MAP7: variants seen among roughly 807,000 people sequenced by gnomAD.
MAP7 encodes the protein microtubule associated protein 7, also known as ensconsin.
A neutral mutation model predicts 94.8 loss-of-function variants in MAP7; 52 were observed. The observed-to-expected ratio is 0.55, with a 90% CI of 0.44 to 0.69. MAP7 has a LOEUF of 0.69. Among genes scored for constraint, MAP7 ranks in the 30% least tolerant of loss-of-function variants. MAP7 has a pLI of 0.00. For synonymous variants in MAP7, 350 were observed against 357.0 expected (o/e 0.98, Z 0.22); for missense variants, 940 against 964.6 (o/e 0.97, Z 0.34).
chr6:136,385,507 C>A (rs181055184), intron 5 of MAP7, among the ~76,000 whole-genome samples: 3 of 152,134 alleles, frequency 2.0e-5, no homozygotes, highest in African/African-American at 4.8e-5. Context: ...TGTGTCCACA[C>A]GCAGGCCTAT....
chr6:136,411,747 AAAAG>A, intron 2 of MAP7, 50 bp from the exon 3 acceptor site: 1 of 1,391,614 alleles, frequency 7.2e-7, no homozygotes, highest in Non-Finnish European at 9.8e-7. Flanking sequence ...ATTAAAAAAA[AAAAG>A]AAAAAGAAAA....
intron 1 of MAP7, among the ~76,000 whole-genome samples, chr6:136,507,863 C>T (rs373333005): frequency 3.3e-5 from 5 of 152,344 alleles, no homozygotes; most frequent in Admixed American, 2.0e-4. Flanking sequence ...GGGCTCTGGA[C>T]TGGCTCCAGG....
chr6:136,392,838 T>C (rs976689199), intron 3 of MAP7, among the ~76,000 whole-genome samples: 1 of 152,198 alleles, frequency 6.6e-6, no homozygotes, highest in Admixed American at 6.5e-5. Flanking sequence ...TCAAACTACA[T>C]AGTCTTTGAG....
At position 136,360,742 on chromosome 6, in the gene MAP7, C is replaced by A. The variant is rs1402864341; in HGVS notation, c.1758G>T (p.Glu586Asp). The change falls in exon 13 of 18, where the codon GAG becomes GAT. Residue 586 changes from glutamate to aspartate, a missense_variant. Coordinates refer to ENST00000354570, the MANE Select transcript of MAP7 (RefSeq NM_003980.6). ...CTTGCTCTTCTCTCTGGAAATGCTT[C>A]TCTCGTTCCTGCCGGACCCTCTCTG... ...EEAERVRQER[E>D]KHFQREEQER... 6.2e-7 allele frequency: 1 copy of A among 1,614,058 alleles called. No individual in the cohort carries two copies. The highest frequency in any genetic ancestry group is 8.5e-7 in the Non-Finnish European group (1 of 1,180,052).
intron 1 of MAP7, among the ~76,000 whole-genome samples, chr6:136,437,041 G>A (rs187281170): frequency 1.5e-4 from 23 of 152,326 alleles, no homozygotes; most frequent in African/African-American, 5.3e-4. Flanking sequence ...GTCTTCCCCT[G>A]TGGGCATCAT....
chr6:136,537,345 G>A lies in MAP7; in HGVS notation c.67+12997C>T, dbSNP rs145728866. ...GCCTCACTGGATTATAAGATTATGG[G>A]GTTTTTCTATCCAAAGTTGTTCGAG... is the stretch of plus-strand genomic sequence containing the variant. On this transcript the variant is annotated intron_variant, in intron 1 of 17. Coordinates refer to ENST00000354570, the MANE Select transcript of MAP7 (RefSeq NM_003980.6). 3.9e-5 allele frequency among the ~76,000 whole-genome samples: 6 copies of A among 152,152 alleles called. No individual in the cohort carries two copies. The South Asian group carries it at 1.0e-3, about 26-fold the overall frequency.
At chr6:136,506,927 C>A (rs1052361675) in intron 1 of MAP7, among the ~76,000 whole-genome samples, 3 of 152,148 alleles carry the variant, frequency 2.0e-5, no homozygotes, top group African/African-American at 7.2e-5. Flanking sequence ...AAGGCAAACA[C>A]CAAGCTGTAA....
chr6:136,544,056 G>A (rs111638084), intron 1 of MAP7, among the ~76,000 whole-genome samples: 3 of 151,758 alleles, frequency 2.0e-5, no homozygotes, highest in African/African-American at 7.3e-5. Flanking sequence ...TGTGTAGTTC[G>A]GATTACAGAT....
chr6:136,493,121 C>CTTTTTTTTTTTTTT (rs397795796), intron 1 of MAP7, among the ~76,000 whole-genome samples: 2 of 123,342 alleles, frequency 1.6e-5, no homozygotes, highest in African/African-American at 3.3e-5. Context: ...TTCTTCTTTC[C>CTTTTTTTTTTTTTT]TTTTTTTTTT....
chr6:136,453,879 T>G (rs1216924661), intron 1 of MAP7, among the ~76,000 whole-genome samples: 1 of 152,254 alleles, frequency 6.6e-6, no homozygotes, highest in Non-Finnish European at 1.5e-5. Flanking sequence ...TGTTTATGAC[T>G]GATACTTACA....
chr6:136,526,018 G>A lies in MAP7; in HGVS notation c.67+24324C>T, dbSNP rs969973526. On this transcript the variant is annotated intron_variant, in intron 1 of 17. Transcript: ENST00000354570. ...AATTGTGATTATATTAAAAATATATGCTTATGTAATTGCAGCTCCCAGGAA... is the reference window on the plus strand; with the variant it reads ...AATTGTGATTATATTAAAAATATATACTTATGTAATTGCAGCTCCCAGGAA... 1.6e-5 allele frequency: 23 copies of A among 1,468,872 alleles called. No individual in the cohort carries two copies. The Admixed American group carries it at 3.5e-4, about 23-fold the overall frequency. The allele number at this position is 1,468,872 out of a possible 1,614,324, so 91.0% of individuals were successfully genotyped here.
chr6:136,499,103 A>G (rs1327682391), intron 1 of MAP7, among the ~76,000 whole-genome samples: 2 of 152,066 alleles, frequency 1.3e-5, no homozygotes, highest in Non-Finnish European at 2.9e-5. Flanking sequence ...TATTATTAGT[A>G]GACATGGGGT....
chr6:136,536,235 TTTTTTTG>T (rs1420457022), intron 1 of MAP7, among the ~76,000 whole-genome samples: 3 of 152,138 alleles, frequency 2.0e-5, no homozygotes. Flanking sequence ...TCCAGCAAGG[TTTTTTTG>T]TTTTTTGTTT....
intron 1 of MAP7, among the ~76,000 whole-genome samples, chr6:136,426,890 A>G (rs1464730184): frequency 6.6e-6 from 1 of 152,220 alleles, no homozygotes; most frequent in East Asian, 1.9e-4. Flanking sequence ...ATTCTGTGTA[A>G]ATGGAAAGTG....
intron 1 of MAP7, among the ~76,000 whole-genome samples, chr6:136,467,332 C>T (rs1259546006): frequency 1.3e-5 from 2 of 152,074 alleles, no homozygotes; most frequent in South Asian, 2.1e-4. Context: ...CTGAAAAAGG[C>T]GATCATTTAA....
chr6:136,413,053 T>C lies in MAP7; in HGVS notation c.167-1356A>G, dbSNP rs140094250. ...AGCGTGCGCCTGTAGTCCCAGCCAT[T>C]TGGGAGGCTGAGGCAGGAGAACGGC... is the stretch of plus-strand genomic sequence containing the variant. On this transcript the variant is annotated intron_variant, in intron 2 of 17. Transcript: ENST00000354570. 3.5e-3 allele frequency among the ~76,000 whole-genome samples: 527 copies of C among 152,088 alleles called. 8 individuals are homozygous for C. The highest frequency in any genetic ancestry group is 6.8e-3 in the East Asian group (35 of 5,166).
At chr6:136,517,262 T>A (rs1360738711) in intron 1 of MAP7, among the ~76,000 whole-genome samples, 2 of 152,184 alleles carry the variant, frequency 1.3e-5, no homozygotes, top group Non-Finnish European at 2.9e-5. Flanking sequence ...CATATGCCTA[T>A]GGTAGGAAAG....
At chr6:136,539,633 A>G (rs1829152507) in intron 1 of MAP7, among the ~76,000 whole-genome samples, 1 of 152,184 alleles carries the variant, frequency 6.6e-6, no homozygotes, top group Non-Finnish European at 1.5e-5. Flanking sequence ...AAAGCTTCAA[A>G]TCACAAAAGA....
intron 15 of MAP7, among the ~76,000 whole-genome samples, chr6:136,358,436 G>A (rs1215147013): frequency 3.9e-5 from 6 of 152,034 alleles, no homozygotes; most frequent in African/African-American, 1.5e-4. Context: ...AATGCAATGG[G>A]GTTATAATAT....
Sources: allele counts gnomAD v4.1 joint callset (sites outside exome capture counted in the v4.1 genomes callset), GRCh38; gene constraint gnomAD v4.1.1; transcripts MANE v1.5; gene names NCBI Gene and HGNC (gene_info 2026-07-23, HGNC 2026-07-21).